DROSHA: variants seen among roughly 807,000 people sequenced by gnomAD.
The protein encoded by DROSHA is ribonuclease 3.
Under a neutral mutation model 181.9 loss-of-function variants are expected in DROSHA, and 56 were observed. That is an observed-to-expected ratio of 0.31 (90% CI 0.25 to 0.38). The LOEUF (loss-of-function observed/expected upper bound fraction) is 0.38, where lower values mean the gene tolerates loss of function less well. DROSHA is among the 10% of genes least tolerant of loss of function. The probability of loss-of-function intolerance (pLI) is 1.00; values close to 1 mark genes in which losing one functional copy is unlikely to be tolerated. For synonymous variants in DROSHA, 524 were observed against 591.2 expected (o/e 0.89, Z 1.65); for missense variants, 1,218 against 1,743.5 (o/e 0.70, Z 5.37).
intron 20 of DROSHA, among the ~76,000 whole-genome samples, chr5:31,461,294 T>C (rs1355925467): frequency 2.0e-5 from 3 of 152,184 alleles, no homozygotes; most frequent in Non-Finnish European, 4.4e-5. Context: ...AGGGCAACTG[T>C]TCAGAACCTT....
Position 31,518,890 on chromosome 5 carries a change from C to T in DROSHA, c.947+2233G>A, listed in dbSNP as rs997676074. Among the ~76,000 whole-genome samples the T allele has an allele frequency of 6.6e-5, 10 of 152,232 alleles. No individual in the cohort carries two copies. The East Asian group carries it at 1.5e-3, about 23-fold the overall frequency. ...ATCCTCACCCATCCTTTTAAGCAGGCGTTGTGAATGATGTAATGAATGGTC... is the reference window on the plus strand; with the variant it reads ...ATCCTCACCCATCCTTTTAAGCAGGTGTTGTGAATGATGTAATGAATGGTC... On this transcript the variant is annotated intron_variant, in intron 6 of 35. Coordinates refer to ENST00000344624, the MANE Select transcript of DROSHA (RefSeq NM_001382508.1).
Position 31,486,540 on chromosome 5 carries a change from C to T in DROSHA, c.1865G>A (p.Arg622Lys). The T allele has an allele frequency of 6.2e-7, 1 of 1,613,646 alleles. No homozygotes were observed. Among genetic ancestry groups the T allele is most frequent in the Non-Finnish European group, 8.5e-7 (1 of 1,179,798 alleles). ...LTNIPLCKVI[R>K]FNIDYTIHFI... ...ATGAATCGTGTAGTCTATGTTGAATCTAATTACTTTACACAGTGGAATCTG... is the reference window on the plus strand; with the variant it reads ...ATGAATCGTGTAGTCTATGTTGAATTTAATTACTTTACACAGTGGAATCTG... Residue 622 changes from arginine to lysine, a missense_variant, in exon 14 of 36, where the codon AGA (arginine) becomes AAA (lysine). By Grantham distance (26) the Arg-to-Lys change is conservative. Around this residue, in one of 8 missense-constraint regions of DROSHA, gnomAD observed 460 missense variants for 774.2 expected, o/e 0.59. Transcript: ENST00000344624.
rs775614870 is a variant in DROSHA at position 31,451,502 on chromosome 5, T to C, written c.2682+31A>G. 5 of 1,549,544 alleles carry C rather than the reference T, an allele frequency of 3.2e-6. No homozygotes were observed. In the East Asian group the frequency reaches 9.1e-5, roughly 28 times the overall value. On this transcript the variant is annotated intron_variant, in intron 21 of 35. Transcript: ENST00000344624. ...AAGATGAATTACTCCTATCTTGTTA[T>C]TATGTGAGTTTACAGGAGAATAATT...
rs192319322 is a variant in DROSHA, at chr5:31,527,040, T to G, written c.21-128A>C. On this transcript the variant is annotated intron_variant, in intron 4 of 35. Coordinates refer to ENST00000344624, the MANE Select transcript of DROSHA (RefSeq NM_001382508.1). ...AGACCCCCTAGTCAAGCCACTGGAA[T>G]AGGCCACCCATTTAATACTGGGTTC... The G allele has an allele frequency of 1.1e-4, 87 of 779,774 alleles. No homozygotes were observed. The African/African-American group carries it at 1.4e-3, about 12-fold the overall frequency. The allele number at this position is 779,774 out of a possible 1,614,324, so 48.3% of individuals were successfully genotyped here.
At chr5:31,530,630 C>CA (rs34124311) in intron 3 of DROSHA, among the ~76,000 whole-genome samples, 168 bp downstream of exon 3, 82,987 of 112,580 alleles carry the variant, frequency 0.74, 30,870 homozygotes, top group Non-Finnish European at 0.82. Context: ...AACTCTAGCT[C>CA]AAAAAAAAAA....
At chr5:31,455,294 C>A (rs1172874991) in intron 20 of DROSHA, among the ~76,000 whole-genome samples, 2 of 151,648 alleles carry the variant, frequency 1.3e-5, no homozygotes, top group East Asian at 3.9e-4. Context: ...ATATAAGATG[C>A]AAGAAGTAAT....
chr5:31,432,172 C>G (rs558877697), intron 25 of DROSHA, among the ~76,000 whole-genome samples: 2 of 151,504 alleles, frequency 1.3e-5, no homozygotes, highest in Admixed American at 1.3e-4. Flanking sequence ...GGCTCTGTCG[C>G]CCAGGCTGGA....
intron 23 of DROSHA, among the ~76,000 whole-genome samples, chr5:31,438,625 C>T (rs1745175238): frequency 6.6e-6 from 1 of 151,920 alleles, no homozygotes; most frequent in Non-Finnish European, 1.5e-5. Context: ...CTTCAAAGTG[C>T]CCATCAAATA....
At chr5:31,454,888 C>T (rs983447095) in intron 20 of DROSHA, among the ~76,000 whole-genome samples, 40 of 147,008 alleles carry the variant, frequency 2.7e-4, no homozygotes, top group Non-Finnish European at 5.2e-4. Context: ...TGCAGTGAGC[C>T]GAGATCGTGC....
At chr5:31,413,782 G>A (rs147664676) in intron 30 of DROSHA, among the ~76,000 whole-genome samples, 190 of 152,342 alleles carry the variant, frequency 1.2e-3, no homozygotes, top group African/African-American at 4.4e-3. Flanking sequence ...CTGGAGGAGG[G>A]CTGACATTTG....
chr5:31,474,425 C>T (rs143516253), intron 16 of DROSHA, among the ~76,000 whole-genome samples: 1 of 152,042 alleles, frequency 6.6e-6, no homozygotes, highest in African/African-American at 2.4e-5. Context: ...TGCAGTGATG[C>T]CATCACGGCT....
At chr5:31,459,737 A>G (rs1748165786) in intron 20 of DROSHA, among the ~76,000 whole-genome samples, 1 of 152,214 alleles carries the variant, frequency 6.6e-6, no homozygotes, top group Non-Finnish European at 1.5e-5. Flanking sequence ...TTGATAATGC[A>G]TGGCAGCCTT....
chr5:31,492,924 A>G (rs909537533), intron 13 of DROSHA, among the ~76,000 whole-genome samples: 5 of 152,178 alleles, frequency 3.3e-5, no homozygotes, highest in Non-Finnish European at 5.9e-5. Context: ...ACATTACTCC[A>G]CAGTTTATCC....
chr5:31,510,756 A>G (rs1738578185), intron 9 of DROSHA, among the ~76,000 whole-genome samples: 2 of 152,176 alleles, frequency 1.3e-5, no homozygotes, highest in Admixed American at 1.3e-4. Flanking sequence ...CTGCTCTCGG[A>G]AAGATGCTGA....
chr5:31,483,682 A>C (rs918752441), intron 15 of DROSHA, 54 bp from the exon 16 acceptor site: 1 of 1,498,126 alleles, frequency 6.7e-7, no homozygotes, highest in East Asian at 2.3e-5. Flanking sequence ...GTCTTAAAAA[A>C]CAAGCACTGC....
At chr5:31,418,204 C>T (rs908669935) in intron 30 of DROSHA, among the ~76,000 whole-genome samples, 14 of 151,504 alleles carry the variant, frequency 9.2e-5, no homozygotes, top group African/African-American at 3.4e-4. Context: ...CACACTGTAA[C>T]TCTATGTGTG....
At chr5:31,401,901 AG>A (rs1446377738) in intron 35 of DROSHA, among the ~76,000 whole-genome samples, 4 of 152,198 alleles carry the variant, frequency 2.6e-5, no homozygotes, top group Admixed American at 2.6e-4. Context: ...TCCTAGCAAC[AG>A]GTGACTTTCT....
chr5:31,436,528 G>T (rs1744809596), intron 24 of DROSHA, among the ~76,000 whole-genome samples: 1 of 151,940 alleles, frequency 6.6e-6, no homozygotes, highest in Non-Finnish European at 1.5e-5. Context: ...AGGTAGCTGG[G>T]ACTACAGGCA....
chr5:31,418,299 CAG>C (rs370277237), intron 30 of DROSHA, among the ~76,000 whole-genome samples: 5 of 149,644 alleles, frequency 3.3e-5, no homozygotes, highest in African/African-American at 1.2e-4. Flanking sequence ...GAGAGAGAGA[CAG>C]AGAGAGGAGA....
Sources: gnomAD v4.1 joint callset for allele counts (sites outside exome capture counted in the v4.1 genomes callset) on GRCh38, gnomAD v4.1.1 for gene constraint, gnomAD v4.1.1 regional missense constraint, MANE v1.5 for transcripts, NCBI Gene and HGNC (gene_info 2026-07-23, HGNC 2026-07-21) for gene names.